H3C4: variants seen among roughly 807,000 people sequenced by gnomAD.
H3C4 encodes histone H3.1.
In H3C4, 10 loss-of-function variants were observed where a neutral mutation model predicts 8.7. That is an observed-to-expected ratio of 1.15 (90% confidence interval 0.71 to 1.96). H3C4 has a LOEUF of 1.96. Among genes scored for constraint, H3C4 ranks in the 30% most tolerant of loss-of-function variants. H3C4 has a pLI of 0.00. For synonymous variants in H3C4, 141 were observed against 80.1 expected (o/e 1.76, Z -4.06); for missense variants, 216 against 192.9 (o/e 1.12, Z -0.71).
At chr6:26,198,463 C>T (rs1172861047), upstream of H3C4, among the ~76,000 whole-genome samples, 1 of 152,156 alleles carries the variant, frequency 6.6e-6, no homozygotes, top group Non-Finnish European at 1.5e-5. Flanking sequence ...TCTTAAATAG[C>T]TGAAATTACA....
upstream of H3C4, among the ~76,000 whole-genome samples, chr6:26,198,637 G>C (rs1427109747): frequency 6.6e-6 from 1 of 152,144 alleles, no homozygotes; most frequent in Non-Finnish European, 1.5e-5. Flanking sequence ...CCGCCAATTT[G>C]CTTATGTATT....
At chr6:26,198,813 G>A (rs372679752), upstream of H3C4, 3 of 1,597,656 alleles carry the variant, frequency 1.9e-6, no homozygotes, top group Non-Finnish European at 2.6e-6. Flanking sequence ...CCTTTGTTAA[G>A]ACTGCTTCCT....
At chr6:26,199,259 A>G (rs771816214), upstream of H3C4, 9 of 1,590,822 alleles carry the variant, frequency 5.7e-6, no homozygotes, top group Admixed American at 1.4e-4. Context: ...ATTCTTAAAA[A>G]CGATGTTAAG....
chr6:26,199,258 A>G (rs1407622065), upstream of H3C4: 7 of 1,590,990 alleles, frequency 4.4e-6, no homozygotes, highest in East Asian at 2.2e-5. Context: ...AATTCTTAAA[A>G]ACGATGTTAA....
At chr6:26,199,286 G>A (rs746666758), upstream of H3C4, 2 of 1,569,368 alleles carry the variant, frequency 1.3e-6, no homozygotes, top group East Asian at 2.2e-5. Context: ...AGACAAAAAT[G>A]TAAAAGTGAA....
At position 26,197,111 on chromosome 6, in the gene H3C4, A is replaced by ACCGTG; in HGVS notation, c.135_139dup (p.Val47AlafsTer18). The ACCGTG allele has an allele frequency of 6.2e-7, 1 of 1,614,152 alleles. No individual in the cohort carries two copies. The highest frequency in any genetic ancestry group is 8.5e-7 in the Non-Finnish European group (1 of 1,180,022). On this transcript the variant is annotated frameshift_variant, in exon 1 of 1. Coordinates refer to ENST00000356476, the MANE Select transcript of H3C4 (RefSeq NM_001376937.1). LOFTEE classifies it high-confidence loss of function. ...GTAGCGGCGGATCTCGCGCAGAGCCACCGTGCCGGGCCGGTAACGGTGGGG... is the reference window on the plus strand; with the variant it reads ...GTAGCGGCGGATCTCGCGCAGAGCCACCGTGCCGTGCCGGGCCGGTAACGGTGGGG...
At chr6:26,198,815 C>T (rs1323055222), upstream of H3C4, 54 of 1,599,328 alleles carry the variant, frequency 3.4e-5, no homozygotes, top group Non-Finnish European at 4.3e-5. Context: ...TTTGTTAAGA[C>T]TGCTTCCTTA....
At position 26,196,810 on chromosome 6, in the gene H3C4, G is replaced by T; in HGVS notation, c.*30C>A. On this transcript the variant is annotated 3_prime_UTR_variant, in exon 1 of 1. Coordinates refer to ENST00000356476, the MANE Select transcript of H3C4 (RefSeq NM_001376937.1). ...GGTTGGCTCTGAAAAGAGCCTTTGG[G>T]TTTTGGTTAGCACACATTCACAAGA... 6.2e-7 allele frequency: 1 copy of T among 1,612,422 alleles called. No individual in the cohort carries two copies. Among genetic ancestry groups the T allele is most frequent in the Non-Finnish European group, 8.5e-7 (1 of 1,179,376 alleles).
chr6:26,196,860 T>A lies in H3C4; in HGVS notation c.391A>T (p.Ile131Phe), dbSNP rs1300180847. ...ACAATTTACGCCCTCTCCCCACGAATGCGGCGAGCAAGCTGGATGTCCTTG... is the reference window on the plus strand; with the variant it reads ...ACAATTTACGCCCTCTCCCCACGAAAGCGGCGAGCAAGCTGGATGTCCTTG... Reference protein sequence around the residue: ...MPKDIQLARRIRGERA With the variant: ...MPKDIQLARRFRGERA Residue 131 changes from isoleucine (I) to phenylalanine (F), a missense_variant, in exon 1 of 1, where the codon ATT (isoleucine) becomes TTT (phenylalanine). Transcript: ENST00000356476. The A allele has an allele frequency of 3.7e-6, 6 of 1,614,192 alleles. No individual in the cohort carries two copies. Among genetic ancestry groups the A allele is most frequent in the Non-Finnish European group, 5.1e-6 (6 of 1,180,028 alleles).
rs758809248 is a variant in H3C4 at position 26,196,948 on chromosome 6, C to A, written c.303G>T (p.Leu101=). ...GGTTGGTGTCCTCAAACAGCCCCAC[C>A]AGGTAGGCCTCGCAGGCCTCCTGCA... The part of the protein sequence containing the change: ...MALQEACEAY[L]VGLFEDTNLC... The change falls in exon 1 of 1, where the codon CTG becomes CTT. Residue 101 remains leucine, a synonymous_variant. Transcript: ENST00000356476. 1.2e-6 allele frequency: 2 copies of A among 1,614,258 alleles called. No homozygotes were observed. The highest frequency in any genetic ancestry group is 4.5e-5 in the East Asian group (2 of 44,886).
upstream of H3C4, chr6:26,199,247 GA>G (rs1561982209): frequency 3.1e-6 from 5 of 1,592,066 alleles, no homozygotes; most frequent in South Asian, 4.6e-5. Context: ...CGGACATTTT[GA>G]ATTCTTAAAA....
At chr6:26,198,965 C>G (rs1330185499), upstream of H3C4, 1 of 1,614,232 alleles carries the variant, frequency 6.2e-7, no homozygotes, top group Non-Finnish European at 8.5e-7. Flanking sequence ...ACTTGTTTAG[C>G]TCCTCGTCGT....
At chr6:26,199,080 A>C (rs1581450866), upstream of H3C4, 1 of 1,613,840 alleles carries the variant, frequency 6.2e-7, no homozygotes, top group Non-Finnish European at 8.5e-7. Context: ...GTACTCCAAC[A>C]CCGCCGCCAG....
upstream of H3C4, chr6:26,199,031 G>T: frequency 1.2e-6 from 2 of 1,614,148 alleles, no homozygotes; most frequent in Non-Finnish European, 1.7e-6. Context: ...TGTTGTCGCG[G>T]GCGGCGTTGC....
upstream of H3C4, chr6:26,198,992 C>T (rs1030584198): frequency 6.2e-7 from 1 of 1,614,200 alleles, no homozygotes; most frequent in African/African-American, 1.3e-5. Context: ...TGGCCAGCTG[C>T]AGGTGTCGGG....
chr6:26,197,448 C>G (rs147786432), upstream of H3C4, among the ~76,000 whole-genome samples: 3 of 152,320 alleles, frequency 2.0e-5, no homozygotes, highest in Non-Finnish European at 4.4e-5. Context: ...CCATCTTTAA[C>G]TGCTGGTGTT....
chr6:26,198,568 G>A (rs1211717759), upstream of H3C4, among the ~76,000 whole-genome samples: 1 of 152,178 alleles, frequency 6.6e-6, no homozygotes, highest in East Asian at 1.9e-4. Flanking sequence ...TCCTGACCCT[G>A]TGATCCGCCC....
Position 26,196,867 on chromosome 6 carries a change from A to G in H3C4, c.384T>C (p.Ala128=), listed in dbSNP as rs767181181. ...VTIMPKDIQL[A]RRIRGERA is the part of the protein sequence containing the mutation. ...ACGCCCTCTCCCCACGAATGCGGCG[A>G]GCAAGCTGGATGTCCTTGGGCATGA... The change falls in exon 1 of 1, where the codon GCT becomes GCC. Residue 128 remains alanine (A), a synonymous_variant. Transcript: ENST00000356476. 2.5e-6 allele frequency: 4 copies of G among 1,614,226 alleles called. No homozygotes were observed. The highest frequency in any genetic ancestry group is 1.1e-5 in the South Asian group (1 of 91,090).
At chr6:26,198,901 C>T (rs749033364), upstream of H3C4, 2 of 1,614,260 alleles carry the variant, frequency 1.2e-6, no homozygotes, top group East Asian at 2.2e-5. Flanking sequence ...GGGAGCAGTA[C>T]AGCCTGGATG....
Sources: gnomAD v4.1 joint callset for allele counts (sites outside exome capture counted in the v4.1 genomes callset) on GRCh38, gnomAD v4.1.1 for gene constraint, MANE v1.5 for transcripts, NCBI Gene and HGNC (gene_info 2026-07-23, HGNC 2026-07-21) for gene names.